The following TCF4 variants were observed in gnomAD, a reference collection of about 807,000 sequenced individuals.
TCF4 encodes transcription factor 4.
A neutral mutation model predicts 82.1 loss-of-function variants in TCF4; 3 were observed. The ratio of observed to expected loss-of-function variants is 0.04; its 90% CI spans 0.02 to 0.09. The LOEUF is 0.09. Among genes scored for constraint, TCF4 ranks in the 10% least tolerant of loss-of-function variants. TCF4 has a pLI of 1.00. For missense variants in TCF4, 518 were observed against 852.7 expected (o/e 0.61, Z 4.89); for synonymous variants, 276 against 309.6 (o/e 0.89, Z 1.14).
chr18:55,525,267 C>T (rs10401120), intron 3 of TCF4, among the ~76,000 whole-genome samples: 17,304 of 151,768 alleles, frequency 0.11, 1,828 homozygotes, highest in African/African-American at 0.28. Flanking sequence ...TACATGACAT[C>T]GCTTCTTCAT....
intron 5 of TCF4, among the ~76,000 whole-genome samples, chr18:55,406,121 G>A (rs1249258649): frequency 2.9e-5 from 4 of 137,854 alleles, no homozygotes; most frequent in South Asian, 2.2e-4. Context: ...AGGCTGGGAG[G>A]TGGACTTTTT....
At chr18:55,494,897 T>A (rs147979772) in intron 3 of TCF4, among the ~76,000 whole-genome samples, 17 of 151,054 alleles carry the variant, frequency 1.1e-4, no homozygotes, top group African/African-American at 3.9e-4. Flanking sequence ...TTCAATCCTA[T>A]ACTAATAGAA....
intron 2 of TCF4, among the ~76,000 whole-genome samples, chr18:55,621,626 AAT>A (rs1302750683): frequency 2.5e-3 from 145 of 56,916 alleles, no homozygotes; most frequent in African/African-American, 4.8e-3. Context: ...TATTATATAT[AAT>A]ATATATATTA....
chr18:55,389,130 A>T (rs1221005138), intron 6 of TCF4, among the ~76,000 whole-genome samples: 1 of 152,158 alleles, frequency 6.6e-6, no homozygotes, highest in Non-Finnish European at 1.5e-5. Context: ...CATCTCAAAA[A>T]ATAAATAAAT....
chr18:55,352,354 T>C (rs2082488030), intron 6 of TCF4, among the ~76,000 whole-genome samples: 1 of 152,074 alleles, frequency 6.6e-6, no homozygotes, highest in South Asian at 2.1e-4. Context: ...TAGCTAAATA[T>C]CATAAAGAGA....
intron 8 of TCF4, among the ~76,000 whole-genome samples, chr18:55,308,617 G>A (rs754240969): frequency 1.6e-4 from 24 of 152,122 alleles, no homozygotes; most frequent in Non-Finnish European, 3.2e-4. Context: ...ATTAAGACAT[G>A]GTCCCTTCTG....
At chr18:55,269,591 G>T (rs1403012332) in intron 11 of TCF4, 5 of 543,470 alleles carry the variant, frequency 9.2e-6, no homozygotes, top group Admixed American at 5.9e-5. Context: ...TTGAACCCTT[G>T]TTCAATCTAA....
chr18:55,313,861 A>G (rs1454929978), intron 8 of TCF4, among the ~76,000 whole-genome samples: 2 of 152,162 alleles, frequency 1.3e-5, no homozygotes, highest in African/African-American at 4.8e-5. Flanking sequence ...ATCCTGGCTG[A>G]TATATAAGTA....
intron 3 of TCF4, among the ~76,000 whole-genome samples, chr18:55,542,770 CACA>C (rs1048323831): frequency 3.3e-5 from 5 of 151,896 alleles, no homozygotes; most frequent in Admixed American, 2.6e-4. Flanking sequence ...CAATGGAAAA[CACA>C]ACATTTTAAG....
intron 5 of TCF4, among the ~76,000 whole-genome samples, chr18:55,440,113 C>G (rs866330677): frequency 6.6e-6 from 1 of 152,012 alleles, no homozygotes; most frequent in Non-Finnish European, 1.5e-5. Flanking sequence ...CCTGTTTCCA[C>G]TCTGGGTGGT....
chr18:55,578,635 A>G (rs1037995588), intron 3 of TCF4, among the ~76,000 whole-genome samples: 3 of 152,104 alleles, frequency 2.0e-5, no homozygotes, highest in Non-Finnish European at 4.4e-5. Context: ...CTGGCACATG[A>G]GAATTTATAA....
intron 2 of TCF4, among the ~76,000 whole-genome samples, chr18:55,603,722 A>G (rs531334933): frequency 6.6e-6 from 1 of 152,262 alleles, no homozygotes; most frequent in Admixed American, 6.5e-5. Context: ...GCTGCTATCA[A>G]CCCCAAGGGA....
chr18:55,343,211 T>G (rs758485556), intron 8 of TCF4, among the ~76,000 whole-genome samples: 13 of 152,158 alleles, frequency 8.5e-5, no homozygotes, highest in Non-Finnish European at 1.5e-4. Context: ...TGGCTCCATG[T>G]TTCACAAAGG....
chr18:55,399,483 G>A (rs1490708024), intron 6 of TCF4, among the ~76,000 whole-genome samples: 2 of 152,068 alleles, frequency 1.3e-5, no homozygotes, highest in African/African-American at 2.4e-5. Flanking sequence ...TTAAAGCCTT[G>A]GACTTCACTA....
intron 3 of TCF4, among the ~76,000 whole-genome samples, chr18:55,511,302 A>T (rs2096825284): frequency 7.1e-6 from 1 of 140,526 alleles, no homozygotes; most frequent in South Asian, 2.4e-4. Flanking sequence ...TGCAACTTAG[A>T]TGTAGGTAAT....
At chr18:55,292,523 T>G (rs1212545567) in intron 8 of TCF4, among the ~76,000 whole-genome samples, 5 of 152,170 alleles carry the variant, frequency 3.3e-5, no homozygotes. Context: ...TAAATTAGCA[T>G]CTAGTGAGAA....
At chr18:55,535,317 T>G (rs1471371145) in intron 3 of TCF4, among the ~76,000 whole-genome samples, 1 of 152,188 alleles carries the variant, frequency 6.6e-6, no homozygotes, top group Non-Finnish European at 1.5e-5. Flanking sequence ...TCATAAATTG[T>G]TAAGGTGGGA....
intron 8 of TCF4, among the ~76,000 whole-genome samples, chr18:55,325,218 T>C (rs930228848): frequency 3.3e-5 from 5 of 152,152 alleles, no homozygotes; most frequent in African/African-American, 4.8e-5. Flanking sequence ...ATTCCCAACT[T>C]TGGGTTAAGC....
At chr18:55,331,872 CAT>C (rs1485329566) in intron 8 of TCF4, among the ~76,000 whole-genome samples, 8 of 152,180 alleles carry the variant, frequency 5.3e-5, no homozygotes, top group Non-Finnish European at 2.9e-5. Context: ...TATTCAAAAA[CAT>C]ATACAATTCA....
Sources: allele counts gnomAD v4.1 joint callset (sites outside exome capture counted in the v4.1 genomes callset), GRCh38; gene constraint gnomAD v4.1.1; transcripts MANE v1.5; gene names NCBI Gene and HGNC (gene_info 2026-07-23, HGNC 2026-07-21).